The following PTPRG variants were observed in gnomAD, a reference collection of about 807,000 sequenced individuals.
PTPRG encodes protein tyrosine phosphatase receptor type G.
Under a neutral mutation model 165.3 loss-of-function variants are expected in PTPRG, and 102 were observed. The ratio of observed to expected loss-of-function variants is 0.62; its 90% CI spans 0.53 to 0.73. The LOEUF (loss-of-function observed/expected upper bound fraction) is 0.73, where lower values mean the gene tolerates loss of function less well. Among genes scored for constraint, PTPRG ranks in the 30% least tolerant of loss-of-function variants. The pLI, the probability that PTPRG is intolerant of heterozygous loss-of-function variation, is 0.00. For missense variants in PTPRG, 1,866 were observed against 1,861.4 expected (o/e 1.00, Z -0.05); for synonymous variants, 675 against 669.5 (o/e 1.01, Z -0.13).
chr3:62,132,727 A>C, intron 6 of PTPRG, 59 bp downstream of exon 6: 1 of 1,430,790 alleles, frequency 7.0e-7, no homozygotes, highest in Non-Finnish European at 9.9e-7. Context: ...ATCTCTACCT[A>C]AAAGAATCAG....
intron 2 of PTPRG, 158 bp downstream of exon 2, chr3:61,749,140 A>C (rs965424899): frequency 1.4e-6 from 1 of 721,758 alleles, no homozygotes; most frequent in African/African-American, 1.7e-5. Context: ...GTTTTTCCTC[A>C]AGGTTATAAG....
intron 1 of PTPRG, among the ~76,000 whole-genome samples, chr3:61,677,367 A>AGTCTCTCT (rs1171377605): frequency 2.0e-5 from 3 of 152,332 alleles, no homozygotes; most frequent in African/African-American, 7.2e-5. Context: ...CATCAGAGGC[A>AGTCTCTCT]GTCTCTCTTA....
At chr3:62,119,079 AG>A (rs35445494) in intron 5 of PTPRG, among the ~76,000 whole-genome samples, 1 of 152,238 alleles carries the variant, frequency 6.6e-6, no homozygotes, top group African/African-American at 2.4e-5. Flanking sequence ...CCCTGCCCTC[AG>A]GGAGCTTCTG....
At position 62,147,084 on chromosome 3, in the gene PTPRG, A is replaced by G. The variant is rs2106663718; in HGVS notation, c.683-9983A>G. Among the ~76,000 whole-genome samples, 3 of 152,272 alleles carry G rather than the reference A, an allele frequency of 2.0e-5. No homozygotes were observed. The Middle Eastern group carries it at 0.01, about 518-fold the overall frequency. On this transcript the variant is annotated intron_variant, in intron 6 of 29. Transcript: ENST00000474889. ...GAAACCCAGGTCTTAACAACCTATGACCTTGGGTAAGTTCTCAGCCCTCAC... is the reference window on the plus strand; with the variant it reads ...GAAACCCAGGTCTTAACAACCTATGGCCTTGGGTAAGTTCTCAGCCCTCAC...
intron 2 of PTPRG, among the ~76,000 whole-genome samples, chr3:61,779,142 T>C (rs2034471059): frequency 6.6e-6 from 1 of 152,218 alleles, no homozygotes; most frequent in African/African-American, 2.4e-5. Flanking sequence ...ACACTTCTCA[T>C]GGTCAGTCAT....
At chr3:61,937,158 T>C (rs143771497) in intron 2 of PTPRG, among the ~76,000 whole-genome samples, 2,492 of 152,314 alleles carry the variant, frequency 0.016, 40 homozygotes, top group South Asian at 0.059. Flanking sequence ...CTAAAGTCTT[T>C]CCTTGAAAGA....
At chr3:61,708,708 C>G (rs1319737646) in intron 1 of PTPRG, among the ~76,000 whole-genome samples, 1 of 151,974 alleles carries the variant, frequency 6.6e-6, no homozygotes, top group South Asian at 2.1e-4. Context: ...CCGCCCGCCT[C>G]GGCCTCCCAA....
chr3:61,820,791 TGCACTTCCTCTGTGACC>T (rs2035931670), intron 2 of PTPRG, among the ~76,000 whole-genome samples: 1 of 152,034 alleles, frequency 6.6e-6, no homozygotes, highest in African/African-American at 2.4e-5. Flanking sequence ...GTTCCTGTTT[TGCACTTCCTCTGTGACC>T]GCAGTGAGAA....
At chr3:61,892,368 C>T (rs538168848) in intron 2 of PTPRG, among the ~76,000 whole-genome samples, 5 of 152,234 alleles carry the variant, frequency 3.3e-5, no homozygotes, top group African/African-American at 9.6e-5. Context: ...CTGCACACCA[C>T]GATGCCCAGC....
intron 5 of PTPRG, among the ~76,000 whole-genome samples, chr3:62,130,793 G>A (rs969933876): frequency 2.0e-5 from 3 of 151,984 alleles, no homozygotes; most frequent in African/African-American, 7.3e-5. Flanking sequence ...ATTTTGATTT[G>A]GTGTATTCTG....
At chr3:62,003,521 C>T (rs777783036) in intron 4 of PTPRG, 24 bp downstream of exon 4, 10 of 1,611,846 alleles carry the variant, frequency 6.2e-6, no homozygotes, top group African/African-American at 1.3e-5. Context: ...AAGATCTCAA[C>T]GTGTAGCTGT....
chr3:61,836,059 C>T (rs142298149), intron 2 of PTPRG, among the ~76,000 whole-genome samples: 1 of 68,890 alleles, frequency 1.5e-5, no homozygotes, highest in African/African-American at 5.5e-5. Context: ...CGCCCCCCCC[C>T]ACCAAAAAAA....
At chr3:62,146,796 A>G (rs1704139286) in intron 6 of PTPRG, among the ~76,000 whole-genome samples, 1 of 152,240 alleles carries the variant, frequency 6.6e-6, no homozygotes, top group African/African-American at 2.4e-5. Context: ...TAGACAATGC[A>G]TAAACAAATG....
chr3:61,976,200 A>G (rs574606287), intron 2 of PTPRG, among the ~76,000 whole-genome samples: 143 of 152,352 alleles, frequency 9.4e-4, no homozygotes, highest in Middle Eastern at 3.4e-3. Context: ...TAATAGATTG[A>G]AAAACCCTTC....
In PTPRG at chr3:61,766,106, T is replaced by C. The variant is rs931718803; in HGVS notation, c.190+17124T>C. On this transcript the variant is annotated intron_variant, in intron 2 of 29. Coordinates refer to ENST00000474889, the MANE Select transcript of PTPRG (RefSeq NM_002841.4). Reference sequence around the variant, plus strand: ...CAGGTCTACGAGGAGTTTGAAAAGGTGTAAGATTATTTATACATCAGAGTG... The same window carrying C: ...CAGGTCTACGAGGAGTTTGAAAAGGCGTAAGATTATTTATACATCAGAGTG... Among the ~76,000 whole-genome samples the C allele has an allele frequency of 2.6e-5, 4 of 152,322 alleles. No homozygotes were observed. In the East Asian group the frequency reaches 5.8e-4, roughly 22 times the overall value.
intron 2 of PTPRG, among the ~76,000 whole-genome samples, chr3:61,751,731 CTGTAA>C (rs2033436911): frequency 6.6e-6 from 1 of 152,172 alleles, no homozygotes; most frequent in East Asian, 1.9e-4. Context: ...TGGCTCACGC[CTGTAA>C]TCCCAGCACT....
At chr3:61,749,372 C>T (rs2033342609) in intron 2 of PTPRG, 1 of 342,800 alleles carries the variant, frequency 2.9e-6, no homozygotes, top group Non-Finnish European at 5.6e-6. Context: ...ACAAACATCA[C>T]ATATCAGAAT....
chr3:61,993,037 T>G (rs190646902), intron 3 of PTPRG, among the ~76,000 whole-genome samples: 1 of 152,328 alleles, frequency 6.6e-6, no homozygotes, highest in Admixed American at 6.5e-5. Context: ...AGTATTTATT[T>G]GCTCTGTTTT....
chr3:62,083,293 G>C (rs1430575420), intron 5 of PTPRG, among the ~76,000 whole-genome samples: 2 of 151,596 alleles, frequency 1.3e-5, no homozygotes, highest in African/African-American at 4.9e-5. Flanking sequence ...GGAGAACGGG[G>C]TCTCACTATG....
Sources: allele counts gnomAD v4.1 joint callset (sites outside exome capture counted in the v4.1 genomes callset), GRCh38; gene constraint gnomAD v4.1.1; transcripts MANE v1.5; gene names NCBI Gene and HGNC (gene_info 2026-07-23, HGNC 2026-07-21).